Variants in PLEKHA5 observed in about 807,000 individuals in gnomAD.
The protein encoded by PLEKHA5 is pleckstrin homology domain containing A5, also known as pleckstrin homology domain-containing family A member 5.
PLEKHA5 carries 55 observed loss-of-function variants against 181.9 expected under a neutral mutation model. The observed-to-expected ratio is 0.30, with a 90% CI of 0.24 to 0.38. PLEKHA5 has a LOEUF of 0.38. Ranked by LOEUF, PLEKHA5 falls within the 10% of genes least tolerant of loss-of-function variation. The pLI, the probability that PLEKHA5 is intolerant of heterozygous loss-of-function variation, is 1.00. For missense variants in PLEKHA5, 1,432 were observed against 1,549.5 expected (o/e 0.92, Z 1.27); for synonymous variants, 535 against 529.4 (o/e 1.01, Z -0.15).
At chr12:19,275,657 T>C (rs1438537762) in intron 11 of PLEKHA5, among the ~76,000 whole-genome samples, 2 of 152,032 alleles carry the variant, frequency 1.3e-5, no homozygotes, top group African/African-American at 2.4e-5. Flanking sequence ...TACCTACTAC[T>C]TGGGGGAAGT....
intron 3 of PLEKHA5, among the ~76,000 whole-genome samples, chr12:19,134,351 T>G (rs1342050686): frequency 1.3e-5 from 2 of 152,092 alleles, no homozygotes; most frequent in African/African-American, 2.4e-5. Flanking sequence ...TTTTTAAACT[T>G]GTAGGTTTTA....
chr12:19,281,273 C>G (rs1842705651), intron 11 of PLEKHA5, among the ~76,000 whole-genome samples: 1 of 151,322 alleles, frequency 6.6e-6, no homozygotes, highest in Admixed American at 6.6e-5. Context: ...TGAATTATAC[C>G]TACACCTCTG....
At chr12:19,273,396 A>G (rs2073614462) in intron 10 of PLEKHA5, among the ~76,000 whole-genome samples, 1 of 151,916 alleles carries the variant, frequency 6.6e-6, no homozygotes. Context: ...ACCATATTCC[A>G]AAGCTTCTAG....
At chr12:19,331,901 T>G in intron 20 of PLEKHA5, among the ~76,000 whole-genome samples, 1 of 152,084 alleles carries the variant, frequency 6.6e-6, no homozygotes, top group Non-Finnish European at 1.5e-5. Flanking sequence ...GGTGTGCACC[T>G]GTACTACTCA....
chr12:19,220,946 A>G (rs920384350), intron 3 of PLEKHA5, among the ~76,000 whole-genome samples: 3 of 152,218 alleles, frequency 2.0e-5, no homozygotes, highest in African/African-American at 4.8e-5. Context: ...TGCAAATTAA[A>G]TAACAGTGAG....
chr12:19,163,265 C>G (rs541917641), intron 3 of PLEKHA5, among the ~76,000 whole-genome samples: 1 of 151,942 alleles, frequency 6.6e-6, no homozygotes, highest in African/African-American at 2.4e-5. Context: ...CAAACTCCAC[C>G]TCCTGGGTTC....
chr12:19,148,034 A>G (rs1274916713), intron 3 of PLEKHA5, among the ~76,000 whole-genome samples: 1 of 150,676 alleles, frequency 6.6e-6, no homozygotes, highest in Non-Finnish European at 1.5e-5. Flanking sequence ...AGCTGCACCT[A>G]GCTTTTGAAG....
chr12:19,177,438 C>T (rs2047573842), intron 3 of PLEKHA5, among the ~76,000 whole-genome samples: 1 of 152,064 alleles, frequency 6.6e-6, no homozygotes, highest in Admixed American at 6.5e-5. Context: ...GATGATATTT[C>T]ATTTGATAGA....
At chr12:19,318,423 A>C (rs2089714483) in intron 16 of PLEKHA5, among the ~76,000 whole-genome samples, 2 of 152,156 alleles carry the variant, frequency 1.3e-5, no homozygotes, top group South Asian at 4.1e-4. Flanking sequence ...AATCTGCAAT[A>C]AGATTCCCCA....
intron 13 of PLEKHA5, among the ~76,000 whole-genome samples, chr12:19,288,411 TAAAGAG>T (rs1428350400): frequency 6.6e-6 from 1 of 152,212 alleles, no homozygotes; most frequent in Non-Finnish European, 1.5e-5. Context: ...TTCTTCTAGT[TAAAGAG>T]AAAAGATGAC....
At chr12:19,200,166 T>G (rs1254527198) in intron 3 of PLEKHA5, among the ~76,000 whole-genome samples, 2 of 152,074 alleles carry the variant, frequency 1.3e-5, no homozygotes, top group African/African-American at 4.8e-5. Context: ...GATTAGTACT[T>G]GAGGTGATGG....
At chr12:19,308,262 C>G (rs2084886255) in intron 15 of PLEKHA5, among the ~76,000 whole-genome samples, 1 of 152,080 alleles carries the variant, frequency 6.6e-6, no homozygotes, top group African/African-American at 2.4e-5. Context: ...CTATGGGAAT[C>G]CAGCTGTATA....
At chr12:19,321,061 G>C (rs564277196) in intron 18 of PLEKHA5, among the ~76,000 whole-genome samples, 1 of 151,858 alleles carries the variant, frequency 6.6e-6, no homozygotes, top group African/African-American at 2.4e-5. Context: ...CAGCTACTCG[G>C]GAGTCTGAGG....
At chr12:19,363,296 C>T (rs140714945) in intron 29 of PLEKHA5, among the ~76,000 whole-genome samples, 36 of 151,178 alleles carry the variant, frequency 2.4e-4, no homozygotes, top group Non-Finnish European at 3.7e-4. Flanking sequence ...AGACTACAGG[C>T]GCGTGTCACC....
intron 3 of PLEKHA5, among the ~76,000 whole-genome samples, chr12:19,191,571 G>A (rs1009764327): frequency 3.9e-5 from 6 of 152,278 alleles, no homozygotes; most frequent in East Asian, 1.9e-4. Context: ...AATAAGATAC[G>A]TTGTAACCTA....
chr12:19,315,116 C>T (rs943002608), intron 16 of PLEKHA5, among the ~76,000 whole-genome samples: 6 of 152,032 alleles, frequency 3.9e-5, no homozygotes, highest in Admixed American at 2.6e-4. Context: ...TTAAATGTGC[C>T]ATTTTCCTAA....
At chr12:19,332,993 C>G (rs1331525749) in intron 20 of PLEKHA5, among the ~76,000 whole-genome samples, 1 of 152,198 alleles carries the variant, frequency 6.6e-6, no homozygotes, top group Non-Finnish European at 1.5e-5. Context: ...TACTCTTTGC[C>G]TGGCTTCCTT....
intron 27 of PLEKHA5, 38 bp downstream of exon 27, chr12:19,358,475 C>A: frequency 7.3e-7 from 1 of 1,364,432 alleles, no homozygotes; most frequent in Non-Finnish European, 1.0e-6. Flanking sequence ...TTGTGTAAAT[C>A]TAGTATCACT....
chr12:19,344,332 CCACAATGTTTA>C (rs1555168580), intron 22 of PLEKHA5, among the ~76,000 whole-genome samples: 1 of 152,146 alleles, frequency 6.6e-6, no homozygotes, highest in Non-Finnish European at 1.5e-5. Context: ...TTATAAATAT[CCACAATGTTTA>C]CACTTTAGAA....
Sources: allele counts gnomAD v4.1 joint callset (sites outside exome capture counted in the v4.1 genomes callset), GRCh38; gene constraint gnomAD v4.1.1; transcripts MANE v1.5; gene names NCBI Gene and HGNC (gene_info 2026-07-23, HGNC 2026-07-21).